HMCN1: variants seen among roughly 807,000 people sequenced by gnomAD.
HMCN1 encodes hemicentin-1.
In HMCN1, 321 loss-of-function variants were observed where a neutral mutation model predicts 625.9. The observed-to-expected ratio is 0.51, with a 90% confidence interval of 0.47 to 0.56. The LOEUF is 0.56. HMCN1 is among the 20% of genes least tolerant of loss of function. The pLI is 0.00. For missense variants in HMCN1, 6,588 were observed against 6,887.3 expected (o/e 0.96, Z 1.54); for synonymous variants, 2,425 against 2,417.6 (o/e 1.00, Z -0.09).
chr1:186,162,826 G>A (rs1177160091), intron 97 of HMCN1, among the ~76,000 whole-genome samples: 2 of 152,186 alleles, frequency 1.3e-5, no homozygotes, highest in Non-Finnish European at 2.9e-5. Flanking sequence ...TGCCCCTACT[G>A]GGGGGTGCCT....
In HMCN1 at chr1:185,987,457, G is replaced by A. The variant is rs1300738983; in HGVS notation, c.2961G>A (p.Gln987=). 1.3e-5 allele frequency: 21 copies of A among 1,613,368 alleles called. No homozygotes were observed. Among genetic ancestry groups the A allele is most frequent in the African/African-American group, 2.7e-5 (2 of 74,922 alleles). ...VHVLPTIQHG[Q]QILSTIEGIP... Reference sequence around the variant, plus strand: ...TTCTGCCAACCATTCAGCATGGGCAGCAGATACTCAGTACAATTGAAGGCA... The same window carrying A: ...TTCTGCCAACCATTCAGCATGGGCAACAGATACTCAGTACAATTGAAGGCA... The change falls in exon 20 of 107, where the codon CAG becomes CAA. Residue 987 remains glutamine, a synonymous_variant. Coordinates refer to ENST00000271588, the MANE Select transcript of HMCN1 (RefSeq NM_031935.3).
At chr1:186,160,905 G>T (rs1477666201) in intron 97 of HMCN1, among the ~76,000 whole-genome samples, 1 of 151,518 alleles carries the variant, frequency 6.6e-6, no homozygotes. Flanking sequence ...CTGTTGATTT[G>T]GGGTGGAGAG....
At chr1:185,921,524 T>TTATA (rs981414953) in intron 6 of HMCN1, among the ~76,000 whole-genome samples, 2 of 152,046 alleles carry the variant, frequency 1.3e-5, no homozygotes, top group African/African-American at 4.8e-5. Context: ...AGATTAAAAT[T>TTATA]TATATATATA....
intron 11 of HMCN1, among the ~76,000 whole-genome samples, chr1:185,951,605 G>A (rs543137670): frequency 0.015 from 2,225 of 151,134 alleles, 29 homozygotes; most frequent in African/African-American, 0.048. Context: ...CAGTCAGAGA[G>A]CCTTGGGCCA....
In HMCN1 at chr1:186,039,860, GT is replaced by G; in HGVS notation, c.6166del (p.Ser2056LeufsTer13). 1 of 1,613,286 alleles carries G rather than the reference GT, an allele frequency of 6.2e-7. No homozygotes were observed. Among genetic ancestry groups the G allele is most frequent in the Non-Finnish European group, 8.5e-7 (1 of 1,179,510 alleles). ...TTGAAAGATGGGAGTCCTGTTTCTA[GT>G]TTTTCTAATGGATTACAGGTACCTT... ...TWLKDGSPVS[S>X]FSNGLQVLSG... On this transcript the variant is annotated frameshift_variant, in exon 39 of 107. Coordinates refer to ENST00000271588, the MANE Select transcript of HMCN1 (RefSeq NM_031935.3). LOFTEE classifies it high-confidence loss of function.
At chr1:185,984,461 T>C in intron 19 of HMCN1, 148 bp downstream of exon 19, 2 of 875,448 alleles carry the variant, frequency 2.3e-6, no homozygotes, top group Non-Finnish European at 3.7e-6. Context: ...TCTACATTGT[T>C]AATGTTGTTT....
intron 97 of HMCN1, among the ~76,000 whole-genome samples, chr1:186,159,653 C>T (rs916163158): frequency 6.6e-6 from 1 of 152,100 alleles, no homozygotes; most frequent in Non-Finnish European, 1.5e-5. Context: ...TTGTCAAAGG[C>T]CTTTTCTGCA....
chr1:186,010,010 C>T (rs1469477327), intron 30 of HMCN1, among the ~76,000 whole-genome samples: 3 of 152,074 alleles, frequency 2.0e-5, no homozygotes, highest in African/African-American at 7.2e-5. Flanking sequence ...ATCTGATGCC[C>T]TCGTTGAGAT....
intron 99 of HMCN1, 72 bp from the exon 100 acceptor site, chr1:186,166,736 C>T: frequency 6.2e-7 from 1 of 1,605,852 alleles, no homozygotes. Flanking sequence ...TTTTTGTATC[C>T]CTATTTCACC....
intron 1 of HMCN1, among the ~76,000 whole-genome samples, chr1:185,816,428 G>A (rs1659849569): frequency 6.6e-6 from 1 of 152,138 alleles, no homozygotes; most frequent in African/African-American, 2.4e-5. Flanking sequence ...CAAATCTCTT[G>A]TATGCTCATC....
At chr1:185,859,267 A>C (rs887014130) in intron 2 of HMCN1, among the ~76,000 whole-genome samples, 1 of 152,048 alleles carries the variant, frequency 6.6e-6, no homozygotes, top group Non-Finnish European at 1.5e-5. Context: ...AACTTCTGCC[A>C]GGAAAGAAAG....
chr1:185,803,945 C>T (rs935860414), intron 1 of HMCN1, among the ~76,000 whole-genome samples: 7 of 151,998 alleles, frequency 4.6e-5, no homozygotes, highest in African/African-American at 1.7e-4. Flanking sequence ...CTTCTTGGAT[C>T]CTCTAGTTAT....
At chr1:185,773,485 T>C (rs921023296) in intron 1 of HMCN1, among the ~76,000 whole-genome samples, 2 of 152,182 alleles carry the variant, frequency 1.3e-5, no homozygotes, top group Non-Finnish European at 2.9e-5. Context: ...GCACATGACA[T>C]GTAGAATTGT....
intron 104 of HMCN1, among the ~76,000 whole-genome samples, chr1:186,181,230 T>G (rs915631282): frequency 2.6e-5 from 4 of 152,168 alleles, no homozygotes; most frequent in Admixed American, 2.6e-4. Flanking sequence ...TTAACTAGTC[T>G]TCCACTGGTT....
Position 185,922,468 on chromosome 1 carries a change from C to T in HMCN1, c.990C>T (p.Asp330=), listed in dbSNP as rs1421029570. 1 of 1,613,428 alleles carries T rather than the reference C, an allele frequency of 6.2e-7. No homozygotes were observed. The highest frequency in any genetic ancestry group is 1.7e-5 in the Admixed American group (1 of 59,960). Residue 330 remains aspartate, a synonymous_variant, in exon 7 of 107, where the codon GAC becomes GAT. Coordinates refer to ENST00000271588, the MANE Select transcript of HMCN1 (RefSeq NM_031935.3). The stretch of plus-strand genomic sequence containing the variant: ...GCTTTTCTCGAAAGCCCACCCTGGA[C>T]TTCAAAAAAACAGTCAGCAGACCAG... ...RAGFSRKPTL[D]FKKTVSRPVQ...
At chr1:185,978,362 C>T (rs1422597871) in intron 16 of HMCN1, among the ~76,000 whole-genome samples, 3 of 151,950 alleles carry the variant, frequency 2.0e-5, no homozygotes, top group Non-Finnish European at 2.9e-5. Context: ...TTTATTTTGT[C>T]AAACAGTACA....
intron 98 of HMCN1, 106 bp downstream of exon 98, chr1:186,165,279 A>G (rs900286137): frequency 2.2e-5 from 22 of 993,128 alleles, no homozygotes; most frequent in Non-Finnish European, 3.3e-5. Context: ...AATCTTCACA[A>G]CAGTTCTGTA....
intron 29 of HMCN1, among the ~76,000 whole-genome samples, chr1:186,004,503 G>T (rs546469275): frequency 3.3e-4 from 50 of 152,178 alleles, no homozygotes; most frequent in African/African-American, 1.2e-3. Context: ...AAAATATATG[G>T]AGGATATGAA....
chr1:185,938,014 GA>G (rs1244082870), intron 11 of HMCN1, among the ~76,000 whole-genome samples: 1 of 151,434 alleles, frequency 6.6e-6, no homozygotes, highest in East Asian at 1.9e-4. Flanking sequence ...AGGCACTAAA[GA>G]GGAGAATTTA....
Sources: gnomAD v4.1 joint callset for allele counts (sites outside exome capture counted in the v4.1 genomes callset) on GRCh38, gnomAD v4.1.1 for gene constraint, MANE v1.5 for transcripts, NCBI Gene and HGNC (gene_info 2026-07-23, HGNC 2026-07-21) for gene names.